Variants in VSNL1 observed in about 807,000 individuals in gnomAD.
VSNL1 encodes the protein visinin-like protein 1.
Under a neutral mutation model 20.4 loss-of-function variants are expected in VSNL1, and 6 were observed. That is an observed-to-expected ratio of 0.29 (90% CI 0.16 to 0.58). VSNL1 has a LOEUF of 0.58. VSNL1 is among the 20% of genes least tolerant of loss of function. VSNL1 has a pLI of 0.90. For missense variants in VSNL1, 100 were observed against 234.5 expected, an observed-to-expected ratio of 0.43 and a Z score of 3.75; for synonymous variants, 93 against 86.4, an observed-to-expected ratio of 1.08 and a Z score of -0.42.
intron 2 of VSNL1, among the ~76,000 whole-genome samples, chr2:17,607,734 G>A (rs1664979595): frequency 6.6e-6 from 1 of 152,184 alleles, no homozygotes; most frequent in African/African-American, 2.4e-5. Flanking sequence ...ACAAAAATTA[G>A]TTGGATGAAA....
chr2:17,569,014 A>C (rs12470965), intron 1 of VSNL1, among the ~76,000 whole-genome samples: 46,760 of 152,048 alleles, frequency 0.31, 7,704 homozygotes, highest in Middle Eastern at 0.37. Flanking sequence ...TTATGTTCTT[A>C]AATTTCATTG....
At chr2:17,560,187 A>G (rs1450721085) in intron 1 of VSNL1, among the ~76,000 whole-genome samples, 1 of 92,734 alleles carries the variant, frequency 1.1e-5, no homozygotes, top group Non-Finnish European at 2.2e-5. Context: ...AAAAGACAAT[A>G]GGAAAACATC....
chr2:17,641,266 G>A (rs1665877275), intron 2 of VSNL1, among the ~76,000 whole-genome samples: 2 of 152,194 alleles, frequency 1.3e-5, no homozygotes, highest in Non-Finnish European at 2.9e-5. Flanking sequence ...CAGTTGGAGC[G>A]AGTGAAGACA....
chr2:17,593,506 T>A (rs1403123579), intron 2 of VSNL1, among the ~76,000 whole-genome samples: 1 of 152,152 alleles, frequency 6.6e-6, no homozygotes, highest in East Asian at 1.9e-4. Flanking sequence ...GAACCCAAGA[T>A]TCAAACGAAA....
At chr2:17,594,810 C>T (rs553237499) in intron 2 of VSNL1, among the ~76,000 whole-genome samples, 83 of 152,318 alleles carry the variant, frequency 5.4e-4, no homozygotes, top group African/African-American at 1.9e-3. Flanking sequence ...GGAGTGGCTC[C>T]GCTGCAAGGC....
At chr2:17,592,640 C>CTTTTTTTTTTTTTTTTTTTTTTT (rs55756596) in intron 2 of VSNL1, among the ~76,000 whole-genome samples, 3 of 70,858 alleles carry the variant, frequency 4.2e-5, no homozygotes, top group African/African-American at 1.5e-4. Context: ...CTCTCTCTCT[C>CTTTTTTTTTTTTTTTTTTTTTTT]TTTTTTTTTT....
chr2:17,643,758 C>A (rs1665933007), intron 2 of VSNL1, among the ~76,000 whole-genome samples: 1 of 152,170 alleles, frequency 6.6e-6, no homozygotes, highest in African/African-American at 2.4e-5. Context: ...CAGACCAAAT[C>A]AAGGTTTAAA....
Position 17,540,746 on chromosome 2 carries a change from C to G in VSNL1, c.-178C>G, listed in dbSNP as rs1663265348. ...CGTGTTGCGGCAGCGGCTGGGCTTG[C>G]AAGGCGCGATCCAAGAGGGATTTAA... On this transcript the variant is annotated 5_prime_UTR_variant, in exon 1 of 4. Coordinates refer to ENST00000295156, the MANE Select transcript of VSNL1 (RefSeq NM_003385.5). 6.5e-6 allele frequency: 1 copy of G among 152,680 alleles called. No individual in the cohort carries two copies. Among genetic ancestry groups the G allele is most frequent in the African/African-American group, 2.4e-5 (1 of 41,454 alleles). 9.5% of individuals were successfully genotyped at this position (152,680 alleles called of 1,614,324 possible).
chr2:17,587,153 A>C (rs761734622), intron 1 of VSNL1, among the ~76,000 whole-genome samples: 1 of 152,046 alleles, frequency 6.6e-6, no homozygotes, highest in Non-Finnish European at 1.5e-5. Flanking sequence ...GTATTTGCAC[A>C]TGTGGTGGGA....
chr2:17,629,173 T>A (rs1665577980), intron 2 of VSNL1, among the ~76,000 whole-genome samples: 1 of 152,144 alleles, frequency 6.6e-6, no homozygotes, highest in African/African-American at 2.4e-5. Flanking sequence ...TTCAGGGCTG[T>A]TATAAGGTCC....
intron 2 of VSNL1, among the ~76,000 whole-genome samples, chr2:17,617,464 T>G (rs747877087): frequency 5.3e-5 from 8 of 151,884 alleles, no homozygotes; most frequent in Non-Finnish European, 8.8e-5. Flanking sequence ...CCACTGCACT[T>G]TAGCCTTGGC....
chr2:17,567,674 T>C (rs987127355), intron 1 of VSNL1: 2 of 152,172 alleles, frequency 1.3e-5, no homozygotes, highest in Admixed American at 1.3e-4. Flanking sequence ...TCTCACTTTT[T>C]TAACGTCACT....
At chr2:17,623,748 G>C (rs1425801786) in intron 2 of VSNL1, among the ~76,000 whole-genome samples, 1 of 149,984 alleles carries the variant, frequency 6.7e-6, no homozygotes, top group African/African-American at 2.5e-5. Context: ...TGCTATCATA[G>C]ACTAAAGGCT....
chr2:17,552,772 T>A (rs1448586167), intron 1 of VSNL1, among the ~76,000 whole-genome samples: 2 of 152,178 alleles, frequency 1.3e-5, no homozygotes. Flanking sequence ...TGAATCAGGG[T>A]GCCAATTAAG....
intron 2 of VSNL1, among the ~76,000 whole-genome samples, chr2:17,616,328 G>A (rs993992849): frequency 6.6e-6 from 1 of 152,244 alleles, no homozygotes; most frequent in Non-Finnish European, 1.5e-5. Flanking sequence ...TTGACTCTGC[G>A]TGGCCCCACA....
intron 1 of VSNL1, among the ~76,000 whole-genome samples, chr2:17,576,335 A>G (rs1029210280): frequency 6.6e-6 from 1 of 152,206 alleles, no homozygotes; most frequent in Non-Finnish European, 1.5e-5. Context: ...TTATAGTGCT[A>G]GAGTTTCTAC....
intron 2 of VSNL1, among the ~76,000 whole-genome samples, chr2:17,612,853 T>C (rs1238111616): frequency 6.6e-6 from 1 of 151,822 alleles, no homozygotes; most frequent in Non-Finnish European, 1.5e-5. Flanking sequence ...CAAGGAAGAG[T>C]TTCCAAAGCC....
chr2:17,648,616 A>G (rs1356941754), intron 2 of VSNL1, among the ~76,000 whole-genome samples: 1 of 152,160 alleles, frequency 6.6e-6, no homozygotes, highest in African/African-American at 2.4e-5. Flanking sequence ...CTTCCTTGTT[A>G]ATTATCAGAA....
At chr2:17,555,682 A>AT (rs1553298535) in intron 1 of VSNL1, among the ~76,000 whole-genome samples, 1 of 152,018 alleles carries the variant, frequency 6.6e-6, no homozygotes, top group Admixed American at 6.6e-5. Flanking sequence ...ATTTCTAATC[A>AT]TTTTTTCTCC....
Sources: allele counts gnomAD v4.1 joint callset (sites outside exome capture counted in the v4.1 genomes callset), GRCh38; gene constraint gnomAD v4.1.1; transcripts MANE v1.5; gene names NCBI Gene and HGNC (gene_info 2026-07-23, HGNC 2026-07-21).